FAM53B: variants seen among roughly 807,000 people sequenced by gnomAD.
The protein encoded by FAM53B is family with sequence similarity 53 member B.
Under a neutral mutation model 32.7 loss-of-function variants are expected in FAM53B, and 12 were observed. The observed-to-expected ratio is 0.37, with a 90% CI of 0.24 to 0.59. The LOEUF is 0.59. FAM53B is among the 20% of genes least tolerant of loss of function. The probability of loss-of-function intolerance (pLI) is 0.72; values close to 1 mark genes in which losing one functional copy is unlikely to be tolerated. For synonymous variants in FAM53B, 234 were observed against 228.7 expected, an observed-to-expected ratio of 1.02 and a Z score of -0.21; for missense variants, 477 against 577.7, an observed-to-expected ratio of 0.83 and a Z score of 1.79.
rs1266521734 is a variant in FAM53B, at chr10:124,623,381, T to G, written c.1130A>C (p.Glu377Ala). 1.9e-6 allele frequency: 3 copies of G among 1,612,502 alleles called. No homozygotes were observed. In the South Asian group the frequency reaches 3.3e-5, roughly 18 times the overall value. ...LACQEDLSCE[E>A]SDSCALDEDC... ...CTCGTCCAGGGCGCAGCTGTCTGAC[T>G]CCTCACAGGACAGGTCCTCCTGGCA... The change falls in exon 5 of 5, where the codon GAG (glutamate) becomes GCG (alanine). Residue 377 changes from glutamate (E) to alanine (A), a missense_variant. Transcript: ENST00000337318.
Position 124,623,101 on chromosome 10 carries a change from GCTCCCT to G in FAM53B, c.*135_*140del. 1 of 1,138,040 alleles carries G rather than the reference GCTCCCT, an allele frequency of 8.8e-7. No individual in the cohort carries two copies. The highest frequency in any genetic ancestry group is 1.2e-6 in the Non-Finnish European group (1 of 812,336). The allele number at this position is 1,138,040 out of a possible 1,614,324, so 70.5% of individuals were successfully genotyped here. On this transcript the variant is annotated 3_prime_UTR_variant, in exon 5 of 5. Coordinates refer to ENST00000337318, the MANE Select transcript of FAM53B (RefSeq NM_014661.4). The stretch of plus-strand genomic sequence containing the variant: ...AGGCTCTCCCCCAGGCAGCAGGTGG[GCTCCCT>G]CTCTGGGACCCGACACCACTCAGGA...
chr10:124,673,862 T>C (rs915909600), intron 4 of FAM53B, among the ~76,000 whole-genome samples: 3 of 152,204 alleles, frequency 2.0e-5, no homozygotes, highest in African/African-American at 7.2e-5. Flanking sequence ...CTGCAGTGTG[T>C]TGGCTTCCCA....
At chr10:124,650,666 G>T (rs1024242764) in intron 4 of FAM53B, among the ~76,000 whole-genome samples, 2 of 152,120 alleles carry the variant, frequency 1.3e-5, no homozygotes, top group East Asian at 3.9e-4. Flanking sequence ...CTCCAGAGGC[G>T]CTGTTTTCTT....
Position 124,733,040 on chromosome 10 carries a change from GA to G in FAM53B, c.-175+10972del, listed in dbSNP as rs1950154188. The stretch of plus-strand genomic sequence containing the variant: ...TCTTTTACTTTCTTTTCTAACAGGT[GA>G]AGGCATGTGCTAACCTCCCCGGGAA... On this transcript the variant is annotated intron_variant, in intron 1 of 4. Transcript: ENST00000337318. The surrounding 1 kb of genome is among the most constrained non-coding windows in gnomAD (Gnocchi z 4.3). 6.6e-6 allele frequency among the ~76,000 whole-genome samples: 1 copy of G among 152,142 alleles called. No homozygotes were observed. Among genetic ancestry groups the G allele is most frequent in the Non-Finnish European group, 1.5e-5 (1 of 68,026 alleles).
chr10:124,629,500 C>T (rs777334552), intron 4 of FAM53B, among the ~76,000 whole-genome samples: 21 of 152,244 alleles, frequency 1.4e-4, no homozygotes, highest in Non-Finnish European at 2.8e-4. Context: ...AAGCCCAACT[C>T]ACAAGTCACG....
Position 124,647,557 on chromosome 10 carries a change from T to C in FAM53B, c.907-23953A>G, listed in dbSNP as rs1266966111. 2.6e-5 allele frequency among the ~76,000 whole-genome samples: 4 copies of C among 152,166 alleles called. No individual in the cohort carries two copies. The East Asian group carries it at 7.7e-4, about 29-fold the overall frequency. ...TTAGCAGGACTGTCCTCAGAACAAG[T>C]GTGAGCAGAGATGCATGTCACCAAT... On this transcript the variant is annotated intron_variant, in intron 4 of 4. Coordinates refer to ENST00000337318, the MANE Select transcript of FAM53B (RefSeq NM_014661.4).
At chr10:124,689,769 C>T (rs1349185986) in intron 3 of FAM53B, among the ~76,000 whole-genome samples, 1 of 152,218 alleles carries the variant, frequency 6.6e-6, no homozygotes, top group East Asian at 1.9e-4. Context: ...TTTGCTCTTA[C>T]AAAAAGATGC....
At chr10:124,743,456 A>C (rs1950211912) in intron 1 of FAM53B, among the ~76,000 whole-genome samples, 2 of 150,700 alleles carry the variant, frequency 1.3e-5, no homozygotes, top group South Asian at 2.1e-4. Context: ...CCTCACCCCC[A>C]TCCTGACCGC....
intron 4 of FAM53B, among the ~76,000 whole-genome samples, chr10:124,666,191 C>T (rs547164576): frequency 1.3e-5 from 2 of 152,322 alleles, no homozygotes; most frequent in African/African-American, 4.8e-5. Flanking sequence ...CCTGTGAATC[C>T]CTCCCAGAAG....
intron 4 of FAM53B, among the ~76,000 whole-genome samples, chr10:124,662,613 C>G (rs554333509): frequency 1.9e-4 from 29 of 151,898 alleles, no homozygotes; most frequent in African/African-American, 6.3e-4. Flanking sequence ...GCCAGGAGTT[C>G]AAGACTAGCC....
At chr10:124,740,598 A>G (rs1950194257) in intron 1 of FAM53B, among the ~76,000 whole-genome samples, 1 of 152,202 alleles carries the variant, frequency 6.6e-6, no homozygotes, top group Admixed American at 6.5e-5. Flanking sequence ...TTGAGCCATA[A>G]TAAAGGTGAC....
chr10:124,627,856 G>C (rs901399971), intron 4 of FAM53B, among the ~76,000 whole-genome samples: 1 of 152,214 alleles, frequency 6.6e-6, no homozygotes, highest in Non-Finnish European at 1.5e-5. Context: ...CCCCTCTTCT[G>C]CAGGGCTGTT....
chr10:124,722,986 C>T (rs1216288459), intron 1 of FAM53B, among the ~76,000 whole-genome samples: 1 of 152,240 alleles, frequency 6.6e-6, no homozygotes. Flanking sequence ...ACTTCCCCTG[C>T]TCCCTGCTGC....
At chr10:124,740,646 A>T (rs1950194455) in intron 1 of FAM53B, among the ~76,000 whole-genome samples, 1 of 152,242 alleles carries the variant, frequency 6.6e-6, no homozygotes, top group East Asian at 1.9e-4. Context: ...TTAGGCAGGA[A>T]ACAAACAAAT....
intron 1 of FAM53B, among the ~76,000 whole-genome samples, chr10:124,711,901 CT>C (rs1950006544): frequency 6.6e-6 from 1 of 150,396 alleles, no homozygotes; most frequent in African/African-American, 2.4e-5. Flanking sequence ...AAAATAAAAA[CT>C]AAAAAAAAAA....
chr10:124,634,855 T>G (rs1949417449), intron 4 of FAM53B, among the ~76,000 whole-genome samples: 1 of 152,150 alleles, frequency 6.6e-6, no homozygotes, highest in African/African-American at 2.4e-5. Context: ...TTGATTGTGG[T>G]GATGGCTGTA....
Position 124,744,215 on chromosome 10 carries a change from G to A in FAM53B, c.-377C>T, listed in dbSNP as rs1222769666. ...GCAACTCGTCCCTTTAACCGGCACC[G>A]GCCAGGCCGCCCGCACCCGCCGCCG... On this transcript the variant is annotated 5_prime_UTR_variant, in exon 1 of 5. Coordinates refer to ENST00000337318, the MANE Select transcript of FAM53B (RefSeq NM_014661.4). The A allele has an allele frequency of 1.4e-5, 2 of 147,076 alleles. No homozygotes were observed. Among genetic ancestry groups the A allele is most frequent in the Non-Finnish European group, 3.0e-5 (2 of 66,060 alleles). 9.1% of individuals were successfully genotyped at this position (147,076 alleles called of 1,614,324 possible). A position where few individuals can be genotyped will look rare whatever the true frequency, so the allele number is the denominator to read the frequency against.
At chr10:124,646,081 G>A (rs771666141) in intron 4 of FAM53B, among the ~76,000 whole-genome samples, 3 of 152,144 alleles carry the variant, frequency 2.0e-5, no homozygotes, top group Admixed American at 1.3e-4. Context: ...AGTGGTTCTC[G>A]ACCACAGCAA....
chr10:124,685,281 T>C (rs1342125811), intron 3 of FAM53B, among the ~76,000 whole-genome samples: 3 of 152,362 alleles, frequency 2.0e-5, no homozygotes, highest in African/African-American at 2.4e-5. Flanking sequence ...AAATGTCCTA[T>C]GAGAAAAAAT....
Sources: allele counts gnomAD v4.1 joint callset (sites outside exome capture counted in the v4.1 genomes callset), GRCh38; gene constraint gnomAD v4.1.1; non-coding constraint Gnocchi (gnomAD v3.1); transcripts MANE v1.5; gene names NCBI Gene and HGNC (gene_info 2026-07-23, HGNC 2026-07-21).